The following SERPINB11 variants were observed in gnomAD, a reference collection of about 807,000 sequenced individuals.
SERPINB11 encodes the protein serpin B11.
SERPINB11 carries 32 observed loss-of-function variants against 36.7 expected under a neutral mutation model. The observed-to-expected ratio is 0.87, with a 90% CI of 0.66 to 1.17. The LOEUF (loss-of-function observed/expected upper bound fraction) is 1.17, where lower values mean the gene tolerates loss of function less well. Among genes scored for constraint, SERPINB11 ranks in the 50% most tolerant of loss-of-function variants. The pLI is 0.00. For synonymous variants in SERPINB11, 174 were observed against 168.1 expected, an observed-to-expected ratio of 1.04 and a Z score of -0.27; for missense variants, 528 against 458.4, an observed-to-expected ratio of 1.15 and a Z score of -1.39.
Position 63,723,014 on chromosome 18 carries a change from CG to C in SERPINB11, c.798del (p.Thr267ArgfsTer11). 2.5e-6 allele frequency: 4 copies of C among 1,576,756 alleles called. No homozygotes were observed. The highest frequency in any genetic ancestry group is 3.4e-6 in the Non-Finnish European group (4 of 1,165,012). On this transcript the variant is annotated frameshift_variant, in exon 8 of 8. Coordinates refer to ENST00000544088, the MANE Select transcript of SERPINB11 (RefSeq NM_001370475.1). LOFTEE classifies it low-confidence loss of function (END_TRUNC). ...NLKQIEKQLN[S>X]GTFHEWTSSS... Reference sequence around the variant, plus strand: ...TCTTAGATAGAAAAGCAGCTGAATTCGGGGACGTTTCATGAGTGGACAAGCT... The same window carrying C: ...TCTTAGATAGAAAAGCAGCTGAATTCGGGACGTTTCATGAGTGGACAAGCT...
At position 63,712,552 on chromosome 18, in the gene SERPINB11, A is replaced by T; in HGVS notation, c.229-13A>T. On this transcript the variant is annotated splice_polypyrimidine_tract_variant and intron_variant, in intron 3 of 7. Coordinates refer to ENST00000544088, the MANE Select transcript of SERPINB11 (RefSeq NM_001370475.1). ...CAATTTAATACATCATTCTTTGTTT[A>T]CTGATGCTTCAGTGCAGCCAAGCTG... is the stretch of plus-strand genomic sequence containing the variant. The T allele has an allele frequency of 6.2e-7, 1 of 1,613,486 alleles. No homozygotes were observed. Among genetic ancestry groups the T allele is most frequent in the Non-Finnish European group, 8.5e-7 (1 of 1,179,528 alleles).
chr18:63,713,943 G>A (rs796274795), intron 4 of SERPINB11, among the ~76,000 whole-genome samples: 7 of 152,194 alleles, frequency 4.6e-5, no homozygotes, highest in African/African-American at 1.4e-4. Context: ...CCATCTCCTG[G>A]GCTATGGAGA....
intron 4 of SERPINB11, among the ~76,000 whole-genome samples, chr18:63,714,210 G>A (rs534287165): frequency 6.6e-6 from 1 of 152,102 alleles, no homozygotes; most frequent in African/African-American, 2.4e-5. Flanking sequence ...CGCAAAACCA[G>A]CAATTTTTTA....
chr18:63,712,554 T>G lies in SERPINB11; in HGVS notation c.229-11T>G. The G allele has an allele frequency of 6.2e-7, 1 of 1,613,588 alleles. No homozygotes were observed. Among genetic ancestry groups the G allele is most frequent in the South Asian group, 1.1e-5 (1 of 91,026 alleles). ...ATTTAATACATCATTCTTTGTTTAC[T>G]GATGCTTCAGTGCAGCCAAGCTGGA... is the stretch of plus-strand genomic sequence containing the variant. On this transcript the variant is annotated splice_polypyrimidine_tract_variant and intron_variant, in intron 3 of 7. Coordinates refer to ENST00000544088, the MANE Select transcript of SERPINB11 (RefSeq NM_001370475.1).
At chr18:63,706,550 T>C (rs1914377748) in intron 1 of SERPINB11, among the ~76,000 whole-genome samples, 1 of 152,142 alleles carries the variant, frequency 6.6e-6, no homozygotes, top group Non-Finnish European at 1.5e-5. Context: ...GGTAAAAGAA[T>C]CAAATATTTC....
intron 4 of SERPINB11, among the ~76,000 whole-genome samples, chr18:63,714,062 A>G (rs1454478672): frequency 6.6e-6 from 1 of 152,162 alleles, no homozygotes; most frequent in Non-Finnish European, 1.5e-5. Flanking sequence ...TGATAATTCA[A>G]TGTAGGTTCT....
At chr18:63,714,417 C>A (rs141729597) in intron 4 of SERPINB11, among the ~76,000 whole-genome samples, 1 of 152,064 alleles carries the variant, frequency 6.6e-6, no homozygotes, top group African/African-American at 2.4e-5. Flanking sequence ...AGCAGACAAC[C>A]GGTCTGACTA....
chr18:63,705,695 G>C (rs1914354685), intron 1 of SERPINB11: 1 of 152,198 alleles, frequency 6.6e-6, no homozygotes, highest in African/African-American at 2.4e-5. Flanking sequence ...TCTTTTCTTA[G>C]GTGCTCTAGT....
intron 1 of SERPINB11, among the ~76,000 whole-genome samples, chr18:63,706,783 A>G (rs1243994265): frequency 1.3e-5 from 2 of 152,356 alleles, no homozygotes; most frequent in East Asian, 3.9e-4. Flanking sequence ...AAGCTAGGGC[A>G]GATCCAGGAT....
chr18:63,721,956 T>C (rs1914826187), intron 7 of SERPINB11, among the ~76,000 whole-genome samples: 1 of 152,162 alleles, frequency 6.6e-6, no homozygotes, highest in South Asian at 2.1e-4. Context: ...GGGAGCAGTT[T>C]AGATTCTGCA....
At chr18:63,720,191 G>A (rs1167838147) in intron 6 of SERPINB11, 36 bp downstream of exon 6, 1 of 1,547,910 alleles carries the variant, frequency 6.5e-7, no homozygotes, top group African/African-American at 1.4e-5. Context: ...GACAAATGTT[G>A]GAGGATACAA....
chr18:63,723,465 A>G lies in SERPINB11; in HGVS notation c.*66A>G, dbSNP rs1914881977. ...GCAGAGACAATCCTGTGACTTTCCCACGGCCAAAAAGCTGTTCACACCTCA... is the reference window on the plus strand; with the variant it reads ...GCAGAGACAATCCTGTGACTTTCCCGCGGCCAAAAAGCTGTTCACACCTCA... On this transcript the variant is annotated 3_prime_UTR_variant, in exon 8 of 8. Coordinates refer to ENST00000544088, the MANE Select transcript of SERPINB11 (RefSeq NM_001370475.1). 6.8e-7 allele frequency: 1 copy of G among 1,473,006 alleles called. No homozygotes were observed. The allele number at this position is 1,473,006 out of a possible 1,614,324, so 91.2% of individuals were successfully genotyped here.
In SERPINB11 at chr18:63,712,498, G is replaced by A. The variant is rs564504273; in HGVS notation, c.229-67G>A. On this transcript the variant is annotated intron_variant, in intron 3 of 7. Transcript: ENST00000544088. ...AGGCAAACACCTTGCTCTCTAGATA[G>A]TTATCATTCTCCAATGGCAAAAATC... is the stretch of plus-strand genomic sequence containing the variant. The A allele has an allele frequency of 5.8e-4, 908 of 1,559,786 alleles. 1 individual carries two copies. The highest frequency in any genetic ancestry group is 1.5e-3 in the Admixed American group (91 of 59,336).
At chr18:63,721,072 C>T in intron 7 of SERPINB11, 86 bp downstream of exon 7, 1 of 1,207,510 alleles carries the variant, frequency 8.3e-7, no homozygotes, top group Non-Finnish European at 1.2e-6. Flanking sequence ...TATCTCATGA[C>T]ATTAGCGTAG....
chr18:63,707,846 A>G (rs930604261), intron 1 of SERPINB11, among the ~76,000 whole-genome samples: 1 of 152,216 alleles, frequency 6.6e-6, no homozygotes, highest in Non-Finnish European at 1.5e-5. Context: ...AATGTACTAT[A>G]CAGGGAAGGG....
chr18:63,722,159 C>T (rs1489787532), intron 7 of SERPINB11, among the ~76,000 whole-genome samples: 1 of 152,172 alleles, frequency 6.6e-6, no homozygotes, highest in Non-Finnish European at 1.5e-5. Flanking sequence ...AAGTCATAGT[C>T]TCTTGGATGT....
intron 1 of SERPINB11, among the ~76,000 whole-genome samples, chr18:63,707,928 G>A (rs954108255): frequency 3.3e-5 from 5 of 152,196 alleles, no homozygotes; most frequent in African/African-American, 1.2e-4. Context: ...GGAGGGATGT[G>A]GGCTGAGATT....
chr18:63,712,126 G>A (rs956541603), intron 3 of SERPINB11, among the ~76,000 whole-genome samples: 2 of 152,106 alleles, frequency 1.3e-5, no homozygotes, highest in South Asian at 2.1e-4. Context: ...ATTAGTGTGT[G>A]AAGTCAGTTC....
At position 63,723,665 on chromosome 18, in the gene SERPINB11, G is replaced by A. The variant is rs2144555096; in HGVS notation, c.*266G>A. The A allele has an allele frequency of 2.8e-6, 1 of 351,766 alleles. No homozygotes were observed. The highest frequency in any genetic ancestry group is 5.1e-6 in the Non-Finnish European group (1 of 196,618). 21.8% of individuals were successfully genotyped at this position (351,766 alleles called of 1,614,324 possible). A position where few individuals can be genotyped will look rare whatever the true frequency, so the allele number is the denominator to read the frequency against. On this transcript the variant is annotated 3_prime_UTR_variant, in exon 8 of 8. Transcript: ENST00000544088. The stretch of plus-strand genomic sequence containing the variant: ...TCATTTGAGTGCTGTCCAGTGACAT[G>A]ATCAAGTCAATGAGTAAAATTTTAA...
Sources: gnomAD v4.1 joint callset for allele counts (sites outside exome capture counted in the v4.1 genomes callset) on GRCh38, gnomAD v4.1.1 for gene constraint, MANE v1.5 for transcripts, NCBI Gene and HGNC (gene_info 2026-07-23, HGNC 2026-07-21) for gene names.